The following CAMK1D variants were observed in gnomAD, a reference collection of about 807,000 sequenced individuals.
CAMK1D encodes the protein calcium/calmodulin-dependent protein kinase type 1D.
In CAMK1D, 9 loss-of-function variants were observed where a neutral mutation model predicts 47.7. The observed-to-expected ratio is 0.19, with a 90% CI of 0.11 to 0.33. CAMK1D has a LOEUF of 0.33. CAMK1D is among the 10% of genes least tolerant of loss of function. CAMK1D has a pLI of 1.00. For synonymous variants in CAMK1D, 184 were observed against 184.9 expected (o/e 0.99, Z 0.04); for missense variants, 291 against 488.7 (o/e 0.60, Z 3.81).
At chr10:12,479,539 C>T (rs770269165) in intron 1 of CAMK1D, among the ~76,000 whole-genome samples, 18 of 152,202 alleles carry the variant, frequency 1.2e-4, no homozygotes, top group Non-Finnish European at 7.3e-5. Flanking sequence ...GCTGCTGCTG[C>T]CGCCGCTGCT....
intron 3 of CAMK1D, among the ~76,000 whole-genome samples, chr10:12,687,375 GT>G (rs1346676289): frequency 6.6e-6 from 1 of 151,980 alleles, no homozygotes; most frequent in Non-Finnish European, 1.5e-5. Context: ...TTTTACATCT[GT>G]TTTCTCCCTA....
intron 6 of CAMK1D, among the ~76,000 whole-genome samples, chr10:12,803,644 G>A (rs955345903): frequency 1.3e-5 from 2 of 152,068 alleles, no homozygotes; most frequent in African/African-American, 4.8e-5. Context: ...AACAGAGGGA[G>A]ACTCCATCTC....
chr10:12,412,407 C>G, intron 1 of CAMK1D, among the ~76,000 whole-genome samples: 1 of 143,380 alleles, frequency 7.0e-6, no homozygotes, highest in Non-Finnish European at 1.5e-5. Flanking sequence ...ATCAGGAGTT[C>G]GAGACCAGCC....
intron 2 of CAMK1D, among the ~76,000 whole-genome samples, chr10:12,662,191 A>G (rs1238810316): frequency 1.3e-5 from 2 of 152,334 alleles, no homozygotes; most frequent in East Asian, 1.9e-4. Context: ...ATATTTACCA[A>G]GTACACAGAT....
intron 1 of CAMK1D, among the ~76,000 whole-genome samples, chr10:12,484,135 G>C (rs148437270): frequency 6.6e-6 from 1 of 152,216 alleles, no homozygotes. Context: ...GCATCCAAGT[G>C]TCTGTCACCC....
At chr10:12,549,364 C>T (rs2132264731) in intron 1 of CAMK1D, among the ~76,000 whole-genome samples, 1 of 152,350 alleles carries the variant, frequency 6.6e-6, no homozygotes, top group Middle Eastern at 3.4e-3. Flanking sequence ...CCTCAGAGTT[C>T]ATCCATGTTC....
At chr10:12,568,127 TCCC>T (rs1837186215) in intron 2 of CAMK1D, among the ~76,000 whole-genome samples, 1 of 126,614 alleles carries the variant, frequency 7.9e-6, no homozygotes, top group Non-Finnish European at 1.6e-5. Flanking sequence ...CTGCCCTCCT[TCCC>T]TCCCTCCCTC....
chr10:12,453,260 G>C (rs1417785569), intron 1 of CAMK1D, among the ~76,000 whole-genome samples: 1 of 150,620 alleles, frequency 6.6e-6, no homozygotes, highest in Non-Finnish European at 1.5e-5. Context: ...TGCAGTCTTG[G>C]CTCACTGCAA....
intron 1 of CAMK1D, among the ~76,000 whole-genome samples, chr10:12,493,337 C>G (rs945617675): frequency 6.6e-6 from 1 of 152,196 alleles, no homozygotes; most frequent in African/African-American, 2.4e-5. Context: ...CATCAACAGC[C>G]TTCCACCTTT....
intron 1 of CAMK1D, among the ~76,000 whole-genome samples, chr10:12,446,372 ATT>A (rs998325642): frequency 2.0e-4 from 30 of 152,274 alleles, no homozygotes; most frequent in South Asian, 1.5e-3. Context: ...TGGCCTTGGC[ATT>A]TGTAAACTGT....
At chr10:12,753,334 C>G (rs1383585630) in intron 3 of CAMK1D, among the ~76,000 whole-genome samples, 1 of 152,194 alleles carries the variant, frequency 6.6e-6, no homozygotes. Flanking sequence ...TCTGTTAGTG[C>G]AAAGCTCGTG....
At chr10:12,772,853 G>A (rs1050636227) in intron 5 of CAMK1D, among the ~76,000 whole-genome samples, 1 of 152,146 alleles carries the variant, frequency 6.6e-6, no homozygotes, top group African/African-American at 2.4e-5. Context: ...GAGTCGTGTG[G>A]AGGGGACACA....
intron 3 of CAMK1D, among the ~76,000 whole-genome samples, chr10:12,677,331 A>C (rs532875004): frequency 1.3e-5 from 2 of 152,320 alleles, no homozygotes; most frequent in East Asian, 3.9e-4. Flanking sequence ...ACACCTTAAT[A>C]TATTTATATA....
chr10:12,785,669 T>A (rs1414196991), intron 5 of CAMK1D, among the ~76,000 whole-genome samples: 2 of 152,142 alleles, frequency 1.3e-5, no homozygotes, highest in Non-Finnish European at 2.9e-5. Context: ...GACGCTGTGA[T>A]TTTTTGGAAT....
chr10:12,723,098 G>A (rs889724997), intron 3 of CAMK1D, among the ~76,000 whole-genome samples: 2 of 152,166 alleles, frequency 1.3e-5, no homozygotes, highest in African/African-American at 4.8e-5. Context: ...AGAGGCTAAA[G>A]TCCCAGGGTG....
intron 1 of CAMK1D, among the ~76,000 whole-genome samples, chr10:12,484,104 G>A (rs963023404): frequency 1.3e-5 from 2 of 152,180 alleles, no homozygotes; most frequent in South Asian, 2.1e-4. Context: ...CTTGGGTGGC[G>A]TTCCAAATGC....
At chr10:12,731,508 T>A (rs984732512) in intron 3 of CAMK1D, among the ~76,000 whole-genome samples, 5 of 152,198 alleles carry the variant, frequency 3.3e-5, no homozygotes, top group African/African-American at 9.7e-5. Flanking sequence ...AAAGCAAGTC[T>A]GTACATGTTT....
intron 4 of CAMK1D, among the ~76,000 whole-genome samples, chr10:12,768,876 C>T (rs1241909599): frequency 6.6e-6 from 1 of 152,204 alleles, no homozygotes; most frequent in South Asian, 2.1e-4. Context: ...TGATACTTCA[C>T]TGGTTCCCAT....
At chr10:12,543,205 G>A (rs1334868228) in intron 1 of CAMK1D, among the ~76,000 whole-genome samples, 3 of 151,956 alleles carry the variant, frequency 2.0e-5, no homozygotes, top group African/African-American at 4.8e-5. Context: ...CCACCACCAC[G>A]CCCGGCTAAT....
Sources: allele counts gnomAD v4.1 joint callset (sites outside exome capture counted in the v4.1 genomes callset), GRCh38; gene constraint gnomAD v4.1.1; transcripts MANE v1.5; gene names NCBI Gene and HGNC (gene_info 2026-07-23, HGNC 2026-07-21).